The following ANP32B variants were observed in gnomAD, a reference collection of about 807,000 sequenced individuals.
ANP32B encodes the protein acidic nuclear phosphoprotein 32 family member B, also known as acidic leucine-rich nuclear phosphoprotein 32 family member B.
In ANP32B, 6 loss-of-function variants were observed where a neutral mutation model predicts 32.2. That is an observed-to-expected ratio of 0.19 (90% CI 0.10 to 0.37). The LOEUF (loss-of-function observed/expected upper bound fraction) is 0.37, where lower values mean the gene tolerates loss of function less well. Among genes scored for constraint, ANP32B ranks in the 10% least tolerant of loss-of-function variants. ANP32B has a pLI of 1.00. For synonymous variants in ANP32B, 98 were observed against 105.8 expected, an observed-to-expected ratio of 0.93 and a Z score of 0.45; for missense variants, 204 against 289.2, an observed-to-expected ratio of 0.71 and a Z score of 2.14.
rs554359450 is a variant in ANP32B at position 97,989,836 on chromosome 9, T to C, written c.55-4795T>C. Among the ~76,000 whole-genome samples the C allele has an allele frequency of 3.9e-5, 6 of 152,224 alleles. No individual in the cohort carries two copies. The East Asian group carries it at 7.7e-4, about 20-fold the overall frequency. On this transcript the variant is annotated intron_variant, in intron 1 of 6. Transcript: ENST00000339399. ...TCCACTGAGAACCCCAGAGTTGATATAAAGATTGTTTTAAACTGAAGAGAT... is the reference window on the plus strand; with the variant it reads ...TCCACTGAGAACCCCAGAGTTGATACAAAGATTGTTTTAAACTGAAGAGAT...
chr9:98,008,063 C>T lies in ANP32B; in HGVS notation c.517+2910C>T, dbSNP rs143804035. Among the ~76,000 whole-genome samples the T allele has an allele frequency of 3.3e-3, 509 of 152,002 alleles. 2 individuals carry two copies. Among genetic ancestry groups the T allele is most frequent in the African/African-American group, 0.012 (483 of 41,460 alleles). ...TGTGCACGTTTGTCGCAGAGATAAA[C>T]GTGTACCATCCCATCACCTAAGTAT... On this transcript the variant is annotated intron_variant, in intron 4 of 6. Transcript: ENST00000339399.
intron 3 of ANP32B, among the ~76,000 whole-genome samples, chr9:97,999,210 TGTG>T: frequency 6.6e-6 from 1 of 152,346 alleles, no homozygotes; most frequent in Non-Finnish European, 1.5e-5. Context: ...TGCCTGATAT[TGTG>T]GTGGCATCCT....
intron 1 of ANP32B, chr9:97,984,766 A>C (rs1440328623): frequency 6.7e-6 from 1 of 148,730 alleles, no homozygotes; most frequent in Non-Finnish European, 1.5e-5. Context: ...CCGCCGACTC[A>C]TCCCGTCGCG....
chr9:97,999,338 A>G (rs1316417507), intron 3 of ANP32B, among the ~76,000 whole-genome samples: 2 of 152,216 alleles, frequency 1.3e-5, no homozygotes, highest in East Asian at 1.9e-4. Context: ...TGGCCAAGCC[A>G]TTATGTACTT....
intron 3 of ANP32B, among the ~76,000 whole-genome samples, chr9:98,000,678 C>A (rs1827974802): frequency 6.6e-6 from 1 of 152,104 alleles, no homozygotes; most frequent in South Asian, 2.1e-4. Context: ...AATCCCAGCA[C>A]TTTGGGAGGC....
In ANP32B at chr9:97,994,862, G is replaced by C. The variant is rs1045092362; in HGVS notation, c.204+82G>C. 5.0e-6 allele frequency: 7 copies of C among 1,391,810 alleles called. 2 individuals are homozygous for C. The highest frequency in any genetic ancestry group is 2.9e-5 in the South Asian group (2 of 68,864). The allele number at this position is 1,391,810 out of a possible 1,614,324, so 86.2% of individuals were successfully genotyped here. A position where few individuals can be genotyped will look rare whatever the true frequency, so the allele number is the denominator to read the frequency against. On this transcript the variant is annotated intron_variant, in intron 2 of 6. Transcript: ENST00000339399. ...GATTTTACCTGTAAGGAAGCACTTAGTGTAGCAGAAAGCACATGGCCTTTG... is the reference window on the plus strand; with the variant it reads ...GATTTTACCTGTAAGGAAGCACTTACTGTAGCAGAAAGCACATGGCCTTTG...
chr9:97,992,677 G>A (rs533950953), intron 1 of ANP32B, among the ~76,000 whole-genome samples: 108 of 152,292 alleles, frequency 7.1e-4, no homozygotes, highest in Middle Eastern at 3.4e-3. Context: ...TTACATTGGT[G>A]GGTGATGACA....
chr9:97,997,453 C>CTAT (rs1827924492), intron 2 of ANP32B, among the ~76,000 whole-genome samples: 1 of 152,162 alleles, frequency 6.6e-6, no homozygotes, highest in African/African-American at 2.4e-5. Context: ...AGCTTTCATG[C>CTAT]TATTCTAGGT....
chr9:97,983,622 C>T lies in ANP32B; in HGVS notation c.54+13C>T, dbSNP rs1458097246. On this transcript the variant is annotated intron_variant, in intron 1 of 6. Coordinates refer to ENST00000339399, the MANE Select transcript of ANP32B (RefSeq NM_006401.3). ...GACCCCGGCAGCTGTAAGCAGAGAC[C>T]CCTCTGGGTGCCCTCTCCCCCGATG... is the stretch of plus-strand genomic sequence containing the variant. The T allele has an allele frequency of 1.4e-5, 21 of 1,555,300 alleles. No homozygotes were observed. Among genetic ancestry groups the T allele is most frequent in the African/African-American group, 2.8e-5 (2 of 71,674 alleles).
chr9:98,011,170 CT>C, intron 4 of ANP32B, 100 bp from the exon 5 acceptor site: 1 of 1,470,462 alleles, frequency 6.8e-7, no homozygotes. Flanking sequence ...AGTTCGTGGC[CT>C]TACAGCATTT....
At chr9:97,998,117 G>T (rs898035038) in intron 2 of ANP32B, among the ~76,000 whole-genome samples, 1 of 151,980 alleles carries the variant, frequency 6.6e-6, no homozygotes, top group South Asian at 2.1e-4. Context: ...ACTCTACAGT[G>T]TATGTCAGTA....
chr9:98,004,472 T>G (rs1469795940), intron 3 of ANP32B, among the ~76,000 whole-genome samples: 1 of 152,200 alleles, frequency 6.6e-6, no homozygotes, highest in Admixed American at 6.5e-5. Flanking sequence ...TATTTCATCC[T>G]CTAGTGTTTC....
chr9:97,988,509 G>A (rs1413825273), intron 1 of ANP32B, among the ~76,000 whole-genome samples: 8 of 152,126 alleles, frequency 5.3e-5, no homozygotes, highest in Admixed American at 5.2e-4. Context: ...TGGGTCACCT[G>A]AGGTCAGGGA....
At chr9:97,986,947 T>A (rs1827746520) in intron 1 of ANP32B, 1 of 152,228 alleles carries the variant, frequency 6.6e-6, no homozygotes. Context: ...AGATGGGCTT[T>A]TATTGTGTAT....
chr9:97,989,748 A>G (rs553954944), intron 1 of ANP32B, among the ~76,000 whole-genome samples: 15 of 152,306 alleles, frequency 9.8e-5, no homozygotes, highest in African/African-American at 3.6e-4. Flanking sequence ...TTTGCAAGGC[A>G]GTCTAGATCT....
intron 3 of ANP32B, among the ~76,000 whole-genome samples, chr9:98,003,359 T>G (rs1019837339): frequency 1.3e-5 from 2 of 152,212 alleles, no homozygotes; most frequent in East Asian, 3.8e-4. Flanking sequence ...TCAGTAGCCC[T>G]TTTCTCTAAG....
chr9:98,001,964 G>C (rs1198218782), intron 3 of ANP32B, among the ~76,000 whole-genome samples: 1 of 152,172 alleles, frequency 6.6e-6, no homozygotes, highest in Non-Finnish European at 1.5e-5. Context: ...CACACACCCT[G>C]TGGCAGAGCC....
chr9:97,989,099 G>GC (rs1406192837), intron 1 of ANP32B, among the ~76,000 whole-genome samples: 1 of 152,206 alleles, frequency 6.6e-6, no homozygotes, highest in African/African-American at 2.4e-5. Context: ...ATCTCCTGTG[G>GC]CCCCCAGCTC....
chr9:98,015,493 G>T lies in ANP32B; in HGVS notation c.*62G>T. 10 of 1,488,314 alleles carry T rather than the reference G, an allele frequency of 6.7e-6. No homozygotes were observed. Among genetic ancestry groups the T allele is most frequent in the East Asian group, 2.5e-5 (1 of 39,616 alleles). The allele number at this position is 1,488,314 out of a possible 1,614,324, so 92.2% of individuals were successfully genotyped here. On this transcript the variant is annotated 3_prime_UTR_variant, in exon 7 of 7. Coordinates refer to ENST00000339399, the MANE Select transcript of ANP32B (RefSeq NM_006401.3). The stretch of plus-strand genomic sequence containing the variant: ...ATTGGTTGGACTGCTCATGGATTTT[G>T]TAGCTGTTTAAAAAAAAAAAAAAGG...
Sources: allele counts gnomAD v4.1 joint callset (sites outside exome capture counted in the v4.1 genomes callset), GRCh38; gene constraint gnomAD v4.1.1; transcripts MANE v1.5; gene names NCBI Gene and HGNC (gene_info 2026-07-23, HGNC 2026-07-21).